TMEM184B: variants seen among roughly 807,000 people sequenced by gnomAD.
TMEM184B encodes putative MAPK-activating protein FM08.
Under a neutral mutation model 41.8 loss-of-function variants are expected in TMEM184B, and 17 were observed. That is an observed-to-expected ratio of 0.41 (90% CI 0.28 to 0.61). TMEM184B has a LOEUF of 0.61. TMEM184B is among the 20% of genes least tolerant of loss of function. TMEM184B has a pLI of 0.34. For missense variants in TMEM184B, 393 were observed against 557.8 expected, an observed-to-expected ratio of 0.70 and a Z score of 2.98; for synonymous variants, 240 against 229.5, an observed-to-expected ratio of 1.05 and a Z score of -0.41.
At chr22:38,267,436 T>C (rs1472682580) in intron 1 of TMEM184B, among the ~76,000 whole-genome samples, 3 of 131,816 alleles carry the variant, frequency 2.3e-5, no homozygotes, top group Non-Finnish European at 4.8e-5. Context: ...CCCTAATATC[T>C]TTTTTTTTTT....
At chr22:38,272,539 C>A in intron 1 of TMEM184B, 3 of 985,872 alleles carry the variant, frequency 3.0e-6, no homozygotes, top group Non-Finnish European at 3.6e-6. Context: ...CGGGAGCACA[C>A]AATCCCTCTT....
chr22:38,246,216 CCT>C (rs746599737), intron 2 of TMEM184B, 116 bp from the exon 3 acceptor site: 91 of 1,299,974 alleles, frequency 7.0e-5, no homozygotes, highest in Admixed American at 2.3e-4. Flanking sequence ...GTGACCTACC[CCT>C]GAGCCTCAGA....
intron 1 of TMEM184B, among the ~76,000 whole-genome samples, chr22:38,271,110 G>T (rs900286997): frequency 6.6e-6 from 1 of 152,182 alleles, no homozygotes; most frequent in Non-Finnish European, 1.5e-5. Flanking sequence ...CTGCACAAAT[G>T]CTTTGGGGGA....
intron 3 of TMEM184B, among the ~76,000 whole-genome samples, chr22:38,242,085 G>A (rs1158396756): frequency 6.6e-6 from 1 of 151,900 alleles, no homozygotes; most frequent in Non-Finnish European, 1.5e-5. Flanking sequence ...AGGAGTTAGG[G>A]GAGTTTCGTG....
At position 38,220,843 on chromosome 22, in the gene TMEM184B, A is replaced by G; in HGVS notation, c.*626T>C. The G allele has an allele frequency of 1.0e-6, 1 of 986,124 alleles. No individual in the cohort carries two copies. Among genetic ancestry groups the G allele is most frequent in the Middle Eastern group, 5.2e-4 (1 of 1,914 alleles). The allele number at this position is 986,124 out of a possible 1,614,324, so 61.1% of individuals were successfully genotyped here. On this transcript the variant is annotated 3_prime_UTR_variant, in exon 9 of 9. Transcript: ENST00000361906. ...CCCTGCTTCAACAGAAGCGGTGCCCAGGGGCCCTGAATGCCCTTCCTGGGT... is the reference window on the plus strand; with the variant it reads ...CCCTGCTTCAACAGAAGCGGTGCCCGGGGGCCCTGAATGCCCTTCCTGGGT...
intron 3 of TMEM184B, among the ~76,000 whole-genome samples, chr22:38,243,930 G>A (rs899641750): frequency 2.6e-5 from 4 of 152,138 alleles, no homozygotes; most frequent in African/African-American, 9.7e-5. Context: ...GTGGGGCCGA[G>A]GACCTGGATG....
At chr22:38,252,868 C>T (rs1026080730) in intron 1 of TMEM184B, among the ~76,000 whole-genome samples, 1 of 152,112 alleles carries the variant, frequency 6.6e-6, no homozygotes, top group Non-Finnish European at 1.5e-5. Context: ...AAGGGCCCAG[C>T]AAGGTGCCTC....
chr22:38,240,660 C>T (rs1357599963), intron 3 of TMEM184B, among the ~76,000 whole-genome samples: 1 of 148,106 alleles, frequency 6.8e-6, no homozygotes, highest in Non-Finnish European at 1.5e-5. Flanking sequence ...ATCCCACCTC[C>T]TGTGAGATTT....
At position 38,226,073 on chromosome 22, in the gene TMEM184B, T is replaced by G. The variant is rs1165486533; in HGVS notation, c.618-480A>C. Among the ~76,000 whole-genome samples the G allele has an allele frequency of 6.7e-6, 1 of 149,516 alleles. No homozygotes were observed. The highest frequency in any genetic ancestry group is 2.5e-5 in the African/African-American group (1 of 40,212). On this transcript the variant is annotated intron_variant, in intron 6 of 8. Coordinates refer to ENST00000361906, the MANE Select transcript of TMEM184B (RefSeq NM_012264.5). This position sits in a 1 kb window ranked among gnomAD's most constrained non-coding sequence, Gnocchi z 4.6. ...TGAAAGCACAGGGCTAGACACATGGTCACTTTTTTTTTTTTTTTTTTTAGA... is the reference window on the plus strand; with the variant it reads ...TGAAAGCACAGGGCTAGACACATGGGCACTTTTTTTTTTTTTTTTTTTAGA...
chr22:38,225,844 C>T lies in TMEM184B; in HGVS notation c.618-251G>A, dbSNP rs553378977. ...GGACTTGTCTAAGCCCTGGTGCCCACACTCCTAACGTTGGACACCAGTGTG... is the reference window on the plus strand; with the variant it reads ...GGACTTGTCTAAGCCCTGGTGCCCATACTCCTAACGTTGGACACCAGTGTG... On this transcript the variant is annotated intron_variant, in intron 6 of 8. Coordinates refer to ENST00000361906, the MANE Select transcript of TMEM184B (RefSeq NM_012264.5). This position sits in a 1 kb window ranked among gnomAD's most constrained non-coding sequence, Gnocchi z 4.4. Among the ~76,000 whole-genome samples, 11 of 152,308 alleles carry T rather than the reference C, an allele frequency of 7.2e-5. No individual in the cohort carries two copies. In the East Asian group the frequency reaches 2.1e-3, roughly 29 times the overall value.
intron 3 of TMEM184B, among the ~76,000 whole-genome samples, chr22:38,242,934 C>T (rs939163747): frequency 7.3e-5 from 11 of 151,202 alleles, no homozygotes; most frequent in Non-Finnish European, 1.6e-4. Flanking sequence ...TGGTAGCACA[C>T]GCCTGTAGTC....
At chr22:38,254,039 A>G (rs1402765835) in intron 1 of TMEM184B, among the ~76,000 whole-genome samples, 1 of 152,094 alleles carries the variant, frequency 6.6e-6, no homozygotes, top group Admixed American at 6.6e-5. Flanking sequence ...TGTCTCTACT[A>G]AAAATAAAAA....
chr22:38,228,429 G>A (rs1208085926), intron 5 of TMEM184B, among the ~76,000 whole-genome samples: 1 of 152,026 alleles, frequency 6.6e-6, no homozygotes, highest in Admixed American at 6.6e-5. Flanking sequence ...AGCAGCAGCA[G>A]AGCCCAGGCC....
intron 1 of TMEM184B, among the ~76,000 whole-genome samples, chr22:38,268,387 A>AAG (rs1350950878): frequency 1.5e-4 from 22 of 151,552 alleles, no homozygotes; most frequent in Middle Eastern, 3.5e-3. Flanking sequence ...AAAAAAAAAA[A>AAG]AAAGAAAGAA....
intron 3 of TMEM184B, among the ~76,000 whole-genome samples, chr22:38,241,883 CAAAAAAAA>C (rs34060428): frequency 2.8e-4 from 9 of 32,620 alleles, no homozygotes; most frequent in African/African-American, 3.7e-4. Flanking sequence ...GACTCCGTCT[CAAAAAAAA>C]AAAAAAAAAA....
Position 38,220,185 on chromosome 22 carries a change from G to A in TMEM184B, c.*1284C>T, listed in dbSNP as rs2091220450. Reference sequence around the variant, plus strand: ...GCTAGTATAAGCCCAGCCTGCTGGGGGTTCCGGAGGCCCCAGGTCTAGAGG... The same window carrying A: ...GCTAGTATAAGCCCAGCCTGCTGGGAGTTCCGGAGGCCCCAGGTCTAGAGG... On this transcript the variant is annotated 3_prime_UTR_variant, in exon 9 of 9. Transcript: ENST00000361906. 1 of 985,336 alleles carries A rather than the reference G, an allele frequency of 1.0e-6. No individual in the cohort carries two copies. The highest frequency in any genetic ancestry group is 6.2e-5 in the Admixed American group (1 of 16,252). 61.0% of individuals were successfully genotyped at this position (985,336 alleles called of 1,614,324 possible).
intron 1 of TMEM184B, among the ~76,000 whole-genome samples, chr22:38,267,767 A>AGGAG (rs2092464925): frequency 6.6e-6 from 1 of 151,628 alleles, no homozygotes; most frequent in Non-Finnish European, 1.5e-5. Flanking sequence ...TTATAGCTTT[A>AGGAG]TCCTGAGTGG....
intron 1 of TMEM184B, among the ~76,000 whole-genome samples, chr22:38,272,336 C>T (rs2092536935): frequency 6.6e-6 from 1 of 152,188 alleles, no homozygotes; most frequent in Admixed American, 6.5e-5. Context: ...TGGGGGCAAA[C>T]ATCTTTCGAG....
intron 3 of TMEM184B, 48 bp downstream of exon 3, chr22:38,245,887 A>ACCCCCCCCCCCCCCCCCCCCCCCC: frequency 1.8e-6 from 1 of 545,594 alleles, no homozygotes. Flanking sequence ...AGGGGCTCCC[A>ACCCCCCCCCCCCCCCCCCCCCCCC]GCCCCCCAGC....
Sources: allele counts gnomAD v4.1 joint callset (sites outside exome capture counted in the v4.1 genomes callset), GRCh38; gene constraint gnomAD v4.1.1; non-coding constraint Gnocchi (gnomAD v3.1); transcripts MANE v1.5; gene names NCBI Gene and HGNC (gene_info 2026-07-23, HGNC 2026-07-21).